FARP1: variants seen among roughly 807,000 people sequenced by gnomAD.
FARP1 encodes FERM, ARHGEF and pleckstrin domain-containing protein 1.
A neutral mutation model predicts 128.8 loss-of-function variants in FARP1; 52 were observed. The ratio of observed to expected loss-of-function variants is 0.40; its 90% CI spans 0.32 to 0.51. The LOEUF is 0.51. Among genes scored for constraint, FARP1 ranks in the 20% least tolerant of loss-of-function variants. The probability of loss-of-function intolerance (pLI) is 0.45; values close to 1 mark genes in which losing one functional copy is unlikely to be tolerated. For synonymous variants in FARP1, 580 were observed against 551.8 expected (o/e 1.05, Z -0.72); for missense variants, 1,333 against 1,367.9 (o/e 0.97, Z 0.40).
In FARP1 at chr13:98,440,776, G is replaced by A. The variant is rs1594542609; in HGVS notation, c.2736G>A (p.Val912=). ...CCCCGCACCGCGGCAACACAATGGTGCACGTGTGCTGGCACCGCAACACCA... is the reference window on the plus strand; with the variant it reads ...CCCCGCACCGCGGCAACACAATGGTACACGTGTGCTGGCACCGCAACACCA... ...RQAPHRGNTM[V]HVCWHRNTSV... The change falls in exon 24 of 27, where the codon GTG becomes GTA. Residue 912 remains valine (V), a synonymous_variant. Transcript: ENST00000319562. 1.2e-6 allele frequency: 2 copies of A among 1,613,076 alleles called. No homozygotes were observed. Among genetic ancestry groups the A allele is most frequent in the African/African-American group, 1.3e-5 (1 of 74,946 alleles).
At chr13:98,277,212 G>A (rs1385313611) in intron 2 of FARP1, among the ~76,000 whole-genome samples, 1 of 151,728 alleles carries the variant, frequency 6.6e-6, no homozygotes, top group Admixed American at 6.6e-5. Flanking sequence ...GCAGTGGCAT[G>A]TGTGGTCATA....
intron 1 of FARP1, among the ~76,000 whole-genome samples, chr13:98,155,343 CAAAAAAA>C (rs67425847): frequency 9.3e-5 from 6 of 64,548 alleles, no homozygotes; most frequent in African/African-American, 2.5e-4. Flanking sequence ...AACTCTGTCT[CAAAAAAA>C]AAAAAAAAAA....
chr13:98,440,585 C>T, intron 23 of FARP1, 85 bp from the exon 24 acceptor site: 18 of 1,439,338 alleles, frequency 1.3e-5, no homozygotes, highest in Non-Finnish European at 1.6e-5. Flanking sequence ...CTGTGAGCCC[C>T]CCAACCTTCC....
At chr13:98,290,979 T>C (rs1885422589) in intron 2 of FARP1, among the ~76,000 whole-genome samples, 1 of 152,180 alleles carries the variant, frequency 6.6e-6, no homozygotes, top group Admixed American at 6.5e-5. Flanking sequence ...GATGCACATC[T>C]CTGATTATAT....
In FARP1 at chr13:98,451,893, A is replaced by G. The variant is rs1893212899; in HGVS notation, c.*3576A>G. 1 of 152,222 alleles carries G rather than the reference A, an allele frequency of 6.6e-6. No homozygotes were observed. Among genetic ancestry groups the G allele is most frequent in the African/African-American group, 2.4e-5 (1 of 41,430 alleles). The allele number at this position is 152,222 out of a possible 1,614,324, so 9.4% of individuals were successfully genotyped here. On this transcript the variant is annotated 3_prime_UTR_variant, in exon 27 of 27. Coordinates refer to ENST00000319562, the MANE Select transcript of FARP1 (RefSeq NM_005766.4). ...AGCAAGCATAGGCCCCTTCCAGAGAAGCAAAATAACTCTTAAGGTCCCCGG... is the reference window on the plus strand; with the variant it reads ...AGCAAGCATAGGCCCCTTCCAGAGAGGCAAAATAACTCTTAAGGTCCCCGG...
chr13:98,274,436 G>A (rs9517241), intron 2 of FARP1, among the ~76,000 whole-genome samples: 1,592 of 152,178 alleles, frequency 0.01, 15 homozygotes, highest in Non-Finnish European at 0.017. Context: ...GAAGGTTGCC[G>A]TTTATTTCAT....
intron 6 of FARP1, among the ~76,000 whole-genome samples, chr13:98,379,184 TATATA>T (rs1889782085): frequency 6.7e-5 from 5 of 75,090 alleles, no homozygotes; most frequent in South Asian, 4.2e-4. Context: ...ATATATAATA[TATATA>T]ATATATAATA....
At position 98,313,313 on chromosome 13, in the gene FARP1, AAC is replaced by A. The variant is rs10684013; in HGVS notation, c.172-30424_172-30423del. Among the ~76,000 whole-genome samples the A allele has an allele frequency of 2.7e-3, 374 of 139,374 alleles. 9 individuals carry two copies. Among genetic ancestry groups the A allele is most frequent in the Admixed American group, 0.013 (177 of 14,160 alleles). 91.4% of individuals were successfully genotyped at this position (139,374 alleles called of 152,430 possible). The stretch of plus-strand genomic sequence containing the variant: ...GGGTCATAATCCTCCCCTTCCCCCA[AAC>A]ACACACACACACACACACACACACC... On this transcript the variant is annotated intron_variant, in intron 2 of 26. Transcript: ENST00000319562.
At position 98,176,344 on chromosome 13, in the gene FARP1, C is replaced by T; in HGVS notation, c.-24+32852C>T. The T allele has an allele frequency of 6.2e-7, 1 of 1,614,038 alleles. No individual in the cohort carries two copies. The highest frequency in any genetic ancestry group is 8.5e-7 in the Non-Finnish European group (1 of 1,179,884). On this transcript the variant is annotated intron_variant, in intron 1 of 26. Transcript: ENST00000319562. The surrounding 1 kb of genome is among the most constrained non-coding windows in gnomAD (Gnocchi z 6.2). Reference sequence around the variant, plus strand: ...TTCTTTGGCGGGGTTAAAGATGCCGCCGGTTGGCTGGTCACAGATGTAGCA... The same window carrying T: ...TTCTTTGGCGGGGTTAAAGATGCCGTCGGTTGGCTGGTCACAGATGTAGCA...
At chr13:98,174,967 G>A (rs1877897784) in intron 1 of FARP1, among the ~76,000 whole-genome samples, 1 of 152,120 alleles carries the variant, frequency 6.6e-6, no homozygotes, top group South Asian at 2.1e-4. Flanking sequence ...ACCTGGCCAT[G>A]GTGGTGGGTG....
At chr13:98,388,902 T>C (rs982908525) in intron 9 of FARP1, among the ~76,000 whole-genome samples, 2 of 152,192 alleles carry the variant, frequency 1.3e-5, no homozygotes, top group African/African-American at 2.4e-5. Context: ...GTGGAACTCA[T>C]TTTCATGGGC....
At chr13:98,429,100 C>T (rs1891907473) in intron 17 of FARP1, among the ~76,000 whole-genome samples, 1 of 152,212 alleles carries the variant, frequency 6.6e-6, no homozygotes, top group Non-Finnish European at 1.5e-5. Context: ...TTGCAACTTC[C>T]TATGAATGTC....
At chr13:98,397,825 A>G (rs1331162771) in intron 13 of FARP1, 1 of 147,342 alleles carries the variant, frequency 6.8e-6, no homozygotes, top group African/African-American at 2.5e-5. Context: ...GCAGAGTAAG[A>G]AAAACATCAC....
chr13:98,158,779 A>C (rs1876665386), intron 1 of FARP1, among the ~76,000 whole-genome samples: 1 of 152,150 alleles, frequency 6.6e-6, no homozygotes, highest in South Asian at 2.1e-4. Flanking sequence ...TGGTTTAAAA[A>C]ATGGCGTGCT....
intron 2 of FARP1, among the ~76,000 whole-genome samples, chr13:98,292,829 T>C (rs550667928): frequency 5.3e-5 from 8 of 152,284 alleles, no homozygotes; most frequent in Admixed American, 3.9e-4. Context: ...AAGCTCAAGT[T>C]TTGTACCCTT....
chr13:98,221,915 T>G (rs977947535), intron 2 of FARP1, among the ~76,000 whole-genome samples: 5 of 152,244 alleles, frequency 3.3e-5, no homozygotes, highest in African/African-American at 1.2e-4. Flanking sequence ...TTGCACATAT[T>G]AAATGGACTG....
At chr13:98,273,771 T>G (rs1331721004) in intron 2 of FARP1, among the ~76,000 whole-genome samples, 1 of 152,204 alleles carries the variant, frequency 6.6e-6, no homozygotes, top group African/African-American at 2.4e-5. Flanking sequence ...GAGCCCACAA[T>G]GAACTAAGCT....
chr13:98,388,968 C>T (rs921638413), intron 9 of FARP1, among the ~76,000 whole-genome samples: 17 of 152,358 alleles, frequency 1.1e-4, no homozygotes, highest in Admixed American at 3.3e-4. Context: ...CTGTGGCCCA[C>T]GCCAGGACTG....
At chr13:98,385,528 G>A (rs1890062156) in intron 7 of FARP1, 139 bp from the exon 8 acceptor site, 1 of 842,242 alleles carries the variant, frequency 1.2e-6, no homozygotes, top group Admixed American at 2.3e-5. Context: ...ATGGGAGATT[G>A]GGTGTCATCT....
Sources: gnomAD v4.1 joint callset for allele counts (sites outside exome capture counted in the v4.1 genomes callset) on GRCh38, gnomAD v4.1.1 for gene constraint, Gnocchi (gnomAD v3.1) non-coding constraint, MANE v1.5 for transcripts, NCBI Gene and HGNC (gene_info 2026-07-23, HGNC 2026-07-21) for gene names.